RFX3: variants seen among roughly 807,000 people sequenced by gnomAD.
The protein encoded by RFX3 is regulatory factor X3, also known as transcription factor RFX3.
Under a neutral mutation model 98.6 loss-of-function variants are expected in RFX3, and 14 were observed. The observed-to-expected ratio is 0.14, with a 90% CI of 0.09 to 0.22. RFX3 has a LOEUF of 0.22. Ranked by LOEUF, RFX3 falls within the 10% of genes least tolerant of loss-of-function variation. The pLI is 1.00. For missense variants in RFX3, 639 were observed against 926.9 expected, an observed-to-expected ratio of 0.69 and a Z score of 4.03; for synonymous variants, 383 against 328.4, an observed-to-expected ratio of 1.17 and a Z score of -1.80.
chr9:3,415,444 TC>T (rs1294445901), intron 1 of RFX3, among the ~76,000 whole-genome samples: 1 of 151,790 alleles, frequency 6.6e-6, no homozygotes, highest in Admixed American at 6.6e-5. Flanking sequence ...CAATAATAGT[TC>T]CAGATCTATT....
intron 1 of RFX3, among the ~76,000 whole-genome samples, chr9:3,471,148 A>G (rs749374207): frequency 3.9e-5 from 6 of 152,212 alleles, no homozygotes; most frequent in Non-Finnish European, 8.8e-5. Flanking sequence ...GAGCAATTCT[A>G]AAGGCAAATC....
chr9:3,372,860 A>G (rs1316971950), intron 2 of RFX3, among the ~76,000 whole-genome samples: 1 of 152,136 alleles, frequency 6.6e-6, no homozygotes, highest in Non-Finnish European at 1.5e-5. Flanking sequence ...TGCTGGGATT[A>G]CATGCATGAG....
chr9:3,409,759 G>A (rs547403430), intron 1 of RFX3, among the ~76,000 whole-genome samples: 1 of 152,058 alleles, frequency 6.6e-6, no homozygotes. Flanking sequence ...AGGAGTAATC[G>A]GTTTTCAGAT....
chr9:3,492,238 G>GA (rs765912948), intron 1 of RFX3, among the ~76,000 whole-genome samples: 29 of 152,124 alleles, frequency 1.9e-4, no homozygotes, highest in Non-Finnish European at 3.1e-4. Flanking sequence ...TAATTCTCCT[G>GA]AAACCCAGTG....
At chr9:3,366,632 CTTTT>C (rs33909831) in intron 2 of RFX3, among the ~76,000 whole-genome samples, 1 of 145,376 alleles carries the variant, frequency 6.9e-6, no homozygotes, top group African/African-American at 2.6e-5. Context: ...ATTTTCTTTT[CTTTT>C]TTTTTTCTTT....
chr9:3,349,635 T>C (rs1834863747), intron 2 of RFX3, among the ~76,000 whole-genome samples: 1 of 152,078 alleles, frequency 6.6e-6, no homozygotes, highest in Non-Finnish European at 1.5e-5. Flanking sequence ...ATCCTTTCAT[T>C]GCCTTTCTTT....
chr9:3,335,056 T>C (rs983320405), intron 3 of RFX3, among the ~76,000 whole-genome samples: 1 of 151,882 alleles, frequency 6.6e-6, no homozygotes, highest in South Asian at 2.1e-4. Context: ...GAGGTGGAGG[T>C]TGCAGTGAGC....
chr9:3,304,182 C>T (rs529280109), intron 4 of RFX3, among the ~76,000 whole-genome samples: 4 of 151,906 alleles, frequency 2.6e-5, no homozygotes, highest in Non-Finnish European at 4.4e-5. Flanking sequence ...CATTTAGTTA[C>T]CACCTCACTG....
intron 5 of RFX3, among the ~76,000 whole-genome samples, chr9:3,293,686 T>G (rs1827659803): frequency 6.6e-6 from 1 of 152,186 alleles, no homozygotes; most frequent in Non-Finnish European, 1.5e-5. Flanking sequence ...TTATAACATA[T>G]GAACAGCAGG....
intron 2 of RFX3, among the ~76,000 whole-genome samples, chr9:3,367,209 G>C (rs1837312078): frequency 6.6e-6 from 1 of 152,128 alleles, no homozygotes; most frequent in Non-Finnish European, 1.5e-5. Context: ...GTGCTTCTCT[G>C]GCTGGTGGCA....
chr9:3,517,263 G>A (rs1452527160), intron 1 of RFX3, among the ~76,000 whole-genome samples: 3 of 152,128 alleles, frequency 2.0e-5, no homozygotes, highest in African/African-American at 7.2e-5. Context: ...GGGTATAAGT[G>A]ACCAGGCTAA....
chr9:3,395,322 C>T (rs912501920), intron 2 of RFX3, 150 bp downstream of exon 2: 37 of 834,726 alleles, frequency 4.4e-5, no homozygotes, highest in Non-Finnish European at 5.9e-5. Context: ...CCAAGAAATG[C>T]TCAAGAAACA....
At chr9:3,455,607 G>T (rs1438131779) in intron 1 of RFX3, among the ~76,000 whole-genome samples, 4 of 152,110 alleles carry the variant, frequency 2.6e-5, no homozygotes, top group African/African-American at 9.7e-5. Context: ...ACAATTTTCA[G>T]CCTGCTAGTA....
intron 1 of RFX3, among the ~76,000 whole-genome samples, chr9:3,460,128 C>G (rs893109394): frequency 6.6e-6 from 1 of 152,112 alleles, no homozygotes; most frequent in African/African-American, 2.4e-5. Flanking sequence ...CTCTGGCTTA[C>G]AACCCAGCTT....
intron 1 of RFX3, among the ~76,000 whole-genome samples, chr9:3,455,436 A>C (rs1192267561): frequency 6.6e-6 from 1 of 152,182 alleles, no homozygotes; most frequent in East Asian, 1.9e-4. Flanking sequence ...ATGACACTGT[A>C]TACTTCTACT....
intron 1 of RFX3, chr9:3,420,731 G>A (rs1843372941): frequency 1.1e-6 from 1 of 942,060 alleles, no homozygotes; most frequent in Non-Finnish European, 1.3e-6. Flanking sequence ...ATAAACCCCT[G>A]TATCCTTCCA....
chr9:3,440,316 C>A (rs886212522), intron 1 of RFX3, among the ~76,000 whole-genome samples: 6 of 151,944 alleles, frequency 3.9e-5, no homozygotes, highest in Non-Finnish European at 5.9e-5. Context: ...AAATAAAATT[C>A]TATTCAGACA....
rs139785059 is a variant in RFX3 at position 3,437,425 on chromosome 9, G to T, written c.-8-41829C>A. 5.3e-4 allele frequency among the ~76,000 whole-genome samples: 80 copies of T among 152,188 alleles called. No individual in the cohort carries two copies. In the East Asian group the frequency reaches 0.015, roughly 28 times the overall value. Reference sequence around the variant, plus strand: ...TGCTTCTTTGAAATTTTAAGAGCTAGACTTAGAACACAGAATGAACAAGAA... The same window carrying T: ...TGCTTCTTTGAAATTTTAAGAGCTATACTTAGAACACAGAATGAACAAGAA... On this transcript the variant is annotated intron_variant, in intron 1 of 16. Transcript: ENST00000617270.
chr9:3,340,552 T>A (rs12346470), intron 3 of RFX3, among the ~76,000 whole-genome samples: 5,838 of 151,932 alleles, frequency 0.038, 342 homozygotes, highest in African/African-American at 0.13. Context: ...CAAACAAATT[T>A]ACAAGAAAAA....
Sources: allele counts gnomAD v4.1 joint callset (sites outside exome capture counted in the v4.1 genomes callset), GRCh38; gene constraint gnomAD v4.1.1; transcripts MANE v1.5; gene names NCBI Gene and HGNC (gene_info 2026-07-23, HGNC 2026-07-21).